Variants in GNG7 observed in about 807,000 individuals in gnomAD.
GNG7 encodes guanine nucleotide-binding protein G(I)/G(S)/G(O) subunit gamma-7.
GNG7 carries 1 observed loss-of-function variant against 4.0 expected under a neutral mutation model. That is an observed-to-expected ratio of 0.25 (90% CI 0.09 to 1.18). The LOEUF is 1.18. Among genes scored for constraint, GNG7 ranks in the 50% most tolerant of loss-of-function variants. GNG7 has a pLI of 0.50. For missense variants in GNG7, 86 were observed against 91.9 expected (o/e 0.94, Z 0.26); for synonymous variants, 34 against 36.9 (o/e 0.92, Z 0.29).
intron 2 of GNG7, among the ~76,000 whole-genome samples, chr19:2,574,664 G>T (rs1980252644): frequency 6.6e-6 from 1 of 152,176 alleles, no homozygotes; most frequent in Non-Finnish European, 1.5e-5. Context: ...GGGCTGTTGG[G>T]AATCATGCCG....
chr19:2,598,453 C>T (rs1045786143), intron 2 of GNG7, among the ~76,000 whole-genome samples: 16 of 150,968 alleles, frequency 1.1e-4, no homozygotes, highest in South Asian at 2.1e-4. Context: ...GTCAGGAGAT[C>T]GAGACCATCC....
At chr19:2,575,976 C>T (rs1599400995) in intron 2 of GNG7, among the ~76,000 whole-genome samples, 1 of 115,996 alleles carries the variant, frequency 8.6e-6, no homozygotes, top group African/African-American at 6.8e-5. Context: ...CAGGCACATG[C>T]AGGCAGACAC....
chr19:2,653,805 C>T lies in GNG7; in HGVS notation c.-134-7525G>A, dbSNP rs969245202. Reference sequence around the variant, plus strand: ...TTGAGGCCCAGGGCCCGTGTCCCCTCCTCACTCAGCCCTCCTATCCACAGG... The same window carrying T: ...TTGAGGCCCAGGGCCCGTGTCCCCTTCTCACTCAGCCCTCCTATCCACAGG... On this transcript the variant is annotated intron_variant, in intron 1 of 4. Transcript: ENST00000382159. This position sits in a 1 kb window ranked among gnomAD's most constrained non-coding sequence, Gnocchi z 4.8. Among the ~76,000 whole-genome samples, 2 of 152,240 alleles carry T rather than the reference C, an allele frequency of 1.3e-5. No individual in the cohort carries two copies. Among genetic ancestry groups the T allele is most frequent in the African/African-American group, 2.4e-5 (1 of 41,474 alleles).
chr19:2,565,529 A>C (rs1339194309), intron 2 of GNG7, among the ~76,000 whole-genome samples: 3 of 151,498 alleles, frequency 2.0e-5, no homozygotes, highest in Non-Finnish European at 4.4e-5. Flanking sequence ...AAAAAACAAA[A>C]ACAAAAGCTG....
At chr19:2,641,621 C>A (rs1205826956) in intron 2 of GNG7, among the ~76,000 whole-genome samples, 3 of 152,116 alleles carry the variant, frequency 2.0e-5, no homozygotes, top group African/African-American at 4.8e-5. Context: ...CTTGATTTTC[C>A]ATGATTTTAG....
intron 1 of GNG7, among the ~76,000 whole-genome samples, chr19:2,674,383 T>G (rs935626916): frequency 4.6e-5 from 7 of 152,170 alleles, no homozygotes; most frequent in African/African-American, 1.4e-4. Context: ...ATCGTCACAC[T>G]GCTGGGAAAA....
chr19:2,657,351 AAAAAAAAAAAATATAT>A (rs1182761890), intron 1 of GNG7, among the ~76,000 whole-genome samples: 48 of 21,856 alleles, frequency 2.2e-3, no homozygotes, highest in South Asian at 9.2e-3. Context: ...AAAAAAAAAA[AAAAAAAAAAAATATAT>A]ATATATATAT....
chr19:2,667,436 C>T (rs372257151), intron 1 of GNG7, among the ~76,000 whole-genome samples: 1 of 152,290 alleles, frequency 6.6e-6, no homozygotes, highest in East Asian at 1.9e-4. Context: ...GTGAATACCT[C>T]ACCTCTATGT....
chr19:2,577,775 T>C (rs1435025995), intron 2 of GNG7, among the ~76,000 whole-genome samples: 1 of 152,004 alleles, frequency 6.6e-6, no homozygotes, highest in Admixed American at 6.6e-5. Flanking sequence ...GCTACATATT[T>C]ATATTGAGAA....
At chr19:2,629,421 A>G (rs1982101547) in intron 2 of GNG7, among the ~76,000 whole-genome samples, 1 of 152,188 alleles carries the variant, frequency 6.6e-6, no homozygotes, top group Non-Finnish European at 1.5e-5. Flanking sequence ...GGAGGTCCCC[A>G]AGGACACAGA....
At position 2,568,421 on chromosome 19, in the gene GNG7, TACAC is replaced by T. The variant is rs545860563; in HGVS notation, c.-77-13237_-77-13234del. 1.4e-3 allele frequency among the ~76,000 whole-genome samples: 207 copies of T among 143,554 alleles called. 1 individual carries two copies. The highest frequency in any genetic ancestry group is 4.9e-3 in the African/African-American group (190 of 38,436). 94.2% of individuals were successfully genotyped at this position (143,554 alleles called of 152,430 possible). A position where few individuals can be genotyped will look rare whatever the true frequency, so the allele number is the denominator to read the frequency against. On this transcript the variant is annotated intron_variant, in intron 2 of 4. Transcript: ENST00000382159. Reference sequence around the variant, plus strand: ...ACACACACACATATACACATAGACATACACACATACATATACATACACACATACA... The same window carrying T: ...ACACACACACATATACACATAGACATACATACATATACATACACACATACA...
chr19:2,645,850 G>A (rs1180408736), intron 2 of GNG7, among the ~76,000 whole-genome samples: 1 of 152,168 alleles, frequency 6.6e-6, no homozygotes, highest in Admixed American at 6.5e-5. Context: ...AAGGGCCAGC[G>A]ACGGGTCACT....
chr19:2,691,365 G>A (rs1189793317), intron 1 of GNG7, among the ~76,000 whole-genome samples: 3 of 151,948 alleles, frequency 2.0e-5, no homozygotes, highest in Non-Finnish European at 2.9e-5. Flanking sequence ...GCAACATGGC[G>A]AGACCCCATC....
chr19:2,544,118 T>C (rs1979050398), intron 3 of GNG7, among the ~76,000 whole-genome samples: 1 of 151,942 alleles, frequency 6.6e-6, no homozygotes. Context: ...CCCTTCCCCG[T>C]GGAGGGATGA....
chr19:2,577,761 A>G (rs534215914), intron 2 of GNG7, among the ~76,000 whole-genome samples: 1 of 151,606 alleles, frequency 6.6e-6, no homozygotes, highest in East Asian at 1.9e-4. Context: ...GCATGTAAGC[A>G]TTTGCTACAT....
chr19:2,672,076 G>A (rs927402695), intron 1 of GNG7, among the ~76,000 whole-genome samples: 1 of 147,680 alleles, frequency 6.8e-6, no homozygotes, highest in Non-Finnish European at 1.5e-5. Context: ...AAAAGATGGA[G>A]TCTCGCTCTC....
intron 2 of GNG7, among the ~76,000 whole-genome samples, chr19:2,579,779 G>A (rs989959162): frequency 2.6e-5 from 4 of 152,198 alleles, no homozygotes; most frequent in African/African-American, 9.6e-5. Context: ...CAGGAACTCT[G>A]TGGATGGGTG....
intron 1 of GNG7, among the ~76,000 whole-genome samples, chr19:2,658,910 C>CT (rs1370077656): frequency 6.6e-6 from 1 of 151,730 alleles, no homozygotes; most frequent in African/African-American, 2.4e-5. Flanking sequence ...TAAAAATAGT[C>CT]TATTAAAAGG....
intron 2 of GNG7, among the ~76,000 whole-genome samples, chr19:2,562,934 C>CTT (rs200703470): frequency 7.5e-6 from 1 of 133,030 alleles, no homozygotes; most frequent in Non-Finnish European, 1.7e-5. Context: ...CAGATTCAAT[C>CTT]TTTTTCTTTT....
Sources: gnomAD v4.1 joint callset for allele counts (sites outside exome capture counted in the v4.1 genomes callset) on GRCh38, gnomAD v4.1.1 for gene constraint, Gnocchi (gnomAD v3.1) non-coding constraint, MANE v1.5 for transcripts, NCBI Gene and HGNC (gene_info 2026-07-23, HGNC 2026-07-21) for gene names.